CHN2: variants seen among roughly 807,000 people sequenced by gnomAD.
CHN2 encodes beta-chimaerin.
CHN2 carries 35 observed loss-of-function variants against 56.3 expected under a neutral mutation model. The ratio of observed to expected loss-of-function variants is 0.62; its 90% CI spans 0.47 to 0.82. The LOEUF (loss-of-function observed/expected upper bound fraction) is 0.82, where lower values mean the gene tolerates loss of function less well. CHN2 is among the 40% of genes least tolerant of loss of function. The pLI, the probability that CHN2 is intolerant of heterozygous loss-of-function variation, is 0.00. For synonymous variants in CHN2, 210 were observed against 212.8 expected (o/e 0.99, Z 0.12); for missense variants, 491 against 580.5 (o/e 0.85, Z 1.58).
chr7:29,498,280 T>C (rs1344059990), intron 8 of CHN2, among the ~76,000 whole-genome samples: 1 of 152,184 alleles, frequency 6.6e-6, no homozygotes, highest in Non-Finnish European at 1.5e-5. Flanking sequence ...TGCCAGGAGG[T>C]AGGTGCTATT....
At chr7:29,425,781 A>G (rs1287624813) in intron 6 of CHN2, among the ~76,000 whole-genome samples, 1 of 152,194 alleles carries the variant, frequency 6.6e-6, no homozygotes, top group Non-Finnish European at 1.5e-5. Context: ...ATACATGTAT[A>G]TGTCTCCCTT....
chr7:29,169,861 C>CGT (rs71555785), intron 2 of CHN2, among the ~76,000 whole-genome samples: 4,409 of 147,900 alleles, frequency 0.03, 68 homozygotes, highest in Non-Finnish European at 0.043. Flanking sequence ...AGTATATATA[C>CGT]GTGTGTGTGT....
At chr7:29,306,630 A>G (rs761579377) in intron 1 of CHN2, among the ~76,000 whole-genome samples, 20 of 152,246 alleles carry the variant, frequency 1.3e-4, no homozygotes, top group Non-Finnish European at 2.6e-4. Context: ...TGACACATTC[A>G]TCCCCAGGAA....
intron 1 of CHN2, among the ~76,000 whole-genome samples, chr7:29,241,731 G>A (rs1446495331): frequency 6.6e-6 from 1 of 152,082 alleles, no homozygotes; most frequent in Non-Finnish European, 1.5e-5. Flanking sequence ...GGTCCTGAAG[G>A]AACTTGTCCA....
chr7:29,337,639 C>T (rs1419346048), intron 1 of CHN2, among the ~76,000 whole-genome samples: 2 of 152,202 alleles, frequency 1.3e-5, no homozygotes, highest in African/African-American at 4.8e-5. Context: ...GGAAAGCTTT[C>T]CTTCCTGCAT....
chr7:29,457,128 C>T (rs849932), intron 6 of CHN2, among the ~76,000 whole-genome samples: 13,216 of 152,238 alleles, frequency 0.087, 706 homozygotes, highest in Non-Finnish European at 0.12. Context: ...GCCTGCAGCT[C>T]GGGAACGTGA....
chr7:29,398,556 G>A, intron 5 of CHN2, 70 bp downstream of exon 5: 2 of 966,726 alleles, frequency 2.1e-6, no homozygotes, highest in Non-Finnish European at 3.3e-6. Context: ...CCATTTTTAA[G>A]AATTGTAGCA....
At chr7:29,190,836 A>G (rs1445010048), upstream of CHN2, among the ~76,000 whole-genome samples, 2 of 152,198 alleles carry the variant, frequency 1.3e-5, no homozygotes, top group African/African-American at 4.8e-5. Context: ...CATTTACTCA[A>G]TGAGTAAACA....
intron 7 of CHN2, among the ~76,000 whole-genome samples, chr7:29,486,435 A>G (rs1004964713): frequency 2.0e-5 from 3 of 152,016 alleles, no homozygotes; most frequent in African/African-American, 7.3e-5. Context: ...CGCAGGAGAG[A>G]TGGAGGCCCT....
chr7:29,263,457 A>G (rs1425504087), intron 1 of CHN2, among the ~76,000 whole-genome samples: 3 of 151,900 alleles, frequency 2.0e-5, no homozygotes, highest in South Asian at 2.1e-4. Flanking sequence ...CACCCCGTAT[A>G]GGAAGTGAGG....
intron 6 of CHN2, among the ~76,000 whole-genome samples, chr7:29,423,847 A>G (rs62457770): frequency 0.016 from 2,482 of 152,254 alleles, 28 homozygotes; most frequent in Non-Finnish European, 0.025. Flanking sequence ...TCCTGGTCGC[A>G]GGCTGGTTTG....
At chr7:29,400,967 G>C in intron 6 of CHN2, 139 bp downstream of exon 6, 1 of 827,016 alleles carries the variant, frequency 1.2e-6, no homozygotes, top group South Asian at 1.8e-5. Context: ...TAGGGCCAAA[G>C]GGACCTTAGA....
chr7:29,435,523 T>C (rs1214911747), intron 6 of CHN2, among the ~76,000 whole-genome samples: 2 of 152,234 alleles, frequency 1.3e-5, no homozygotes, highest in African/African-American at 4.8e-5. Flanking sequence ...GCTCCTAGGC[T>C]ACAAACCTGT....
At chr7:29,484,070 C>A in intron 7 of CHN2, 1 of 433,662 alleles carries the variant, frequency 2.3e-6, no homozygotes, top group South Asian at 1.8e-5. Flanking sequence ...TATTTTCTAC[C>A]CTCTCTTCTT....
rs959126786 is a variant in CHN2, at chr7:29,514,230, G to A, written c.*1495G>A. 3.9e-5 allele frequency: 6 copies of A among 152,544 alleles called. No individual in the cohort carries two copies. Among genetic ancestry groups the A allele is most frequent in the African/African-American group, 1.2e-4 (5 of 41,424 alleles). 9.4% of individuals were successfully genotyped at this position (152,544 alleles called of 1,614,324 possible). A position where few individuals can be genotyped will look rare whatever the true frequency, so the allele number is the denominator to read the frequency against. The stretch of plus-strand genomic sequence containing the variant: ...TCTTGATACTGTCAAAAAATTATCT[G>A]GAAATGGTTTTATTTTGTGAAGTGA... On this transcript the variant is annotated 3_prime_UTR_variant, in exon 13 of 13. Coordinates refer to ENST00000222792, the MANE Select transcript of CHN2 (RefSeq NM_004067.4).
At chr7:29,354,702 G>A (rs1321257787) in intron 2 of CHN2, 39 bp downstream of exon 2, 2 of 1,589,972 alleles carry the variant, frequency 1.3e-6, no homozygotes, top group Non-Finnish European at 1.7e-6. Flanking sequence ...GAAGTCGTTA[G>A]CAGGCCAGCC....
At chr7:29,483,084 G>A (rs1473068056) in intron 7 of CHN2, among the ~76,000 whole-genome samples, 2 of 152,062 alleles carry the variant, frequency 1.3e-5, no homozygotes, top group Admixed American at 1.3e-4. Context: ...GCCTCCCAAA[G>A]TGCTAGGATT....
chr7:29,213,247 C>G, intron 1 of CHN2: 1 of 1,014,856 alleles, frequency 9.9e-7, no homozygotes. Context: ...CTCAGTTTCA[C>G]TCTGGGTAGT....
At chr7:29,306,066 A>G (rs1369640082) in intron 1 of CHN2, among the ~76,000 whole-genome samples, 1 of 152,132 alleles carries the variant, frequency 6.6e-6, no homozygotes. Flanking sequence ...TCAGACAAGT[A>G]TCTCAGGATG....
Sources: allele counts gnomAD v4.1 joint callset (sites outside exome capture counted in the v4.1 genomes callset), GRCh38; gene constraint gnomAD v4.1.1; transcripts MANE v1.5; gene names NCBI Gene and HGNC (gene_info 2026-07-23, HGNC 2026-07-21).